Variants in OR6C74 observed in about 807,000 individuals in gnomAD.
The protein encoded by OR6C74 is olfactory receptor 6C74.
For missense variants in OR6C74, 361 were observed against 362.9 expected (o/e 0.99, Z 0.04); for synonymous variants, 142 against 134.2 (o/e 1.06, Z -0.40).
chr12:55,246,739 T>C (rs1460339657), intron 1 of OR6C74, among the ~76,000 whole-genome samples: 1 of 152,048 alleles, frequency 6.6e-6, no homozygotes, highest in African/African-American at 2.4e-5. Flanking sequence ...CTTGGAGAGT[T>C]TTTAGAAGTT....
In OR6C74 at chr12:55,255,616, A is replaced by C. The variant is rs1435642110; in HGVS notation, c.*7390A>C. The stretch of plus-strand genomic sequence containing the variant: ...CACCATGGAACACTATAAAATATAC[A>C]TCCATAAAAAACGATGAGTTCATAT... On this transcript the variant is annotated 3_prime_UTR_variant, in exon 2 of 2. Transcript: ENST00000343399. 6.6e-6 allele frequency among the ~76,000 whole-genome samples: 1 copy of C among 152,176 alleles called. No homozygotes were observed.
chr12:55,247,377 T>C lies in OR6C74; in HGVS notation c.90T>C (p.Phe30=), dbSNP rs778483202. The change falls in exon 2 of 2, where the codon TTT becomes TTC. Residue 30 remains phenylalanine, a synonymous_variant. Coordinates refer to ENST00000343399, the MANE Select transcript of OR6C74 (RefSeq NM_001005490.2). Reference sequence around the variant, plus strand: ...AGGTGATTATTTTTCTTCTCCTTTTTTTCACCTACATGTTGAGCATCACTG... The same window carrying C: ...AGGTGATTATTTTTCTTCTCCTTTTCTTCACCTACATGTTGAGCATCACTG... ...QLQVIIFLLL[F]FTYMLSITGN... 102 of 1,612,464 alleles carry C rather than the reference T, an allele frequency of 6.3e-5. No homozygotes were observed. The East Asian group carries it at 2.2e-3, about 35-fold the overall frequency.
rs1435371750 is a variant in OR6C74 at position 55,249,441 on chromosome 12, TTA to T, written c.*1220_*1221del. Among the ~76,000 whole-genome samples, 1 of 152,074 alleles carries T rather than the reference TTA, an allele frequency of 6.6e-6. No individual in the cohort carries two copies. The highest frequency in any genetic ancestry group is 2.4e-5 in the African/African-American group (1 of 41,424). On this transcript the variant is annotated 3_prime_UTR_variant, in exon 2 of 2. Coordinates refer to ENST00000343399, the MANE Select transcript of OR6C74 (RefSeq NM_001005490.2). ...TTTATTTTTCTGACTTATAAAATTA[TTA>T]TATACATTTTATCTTAATGTATTTC...
Position 55,255,262 on chromosome 12 carries a change from G to A in OR6C74, c.*7036G>A, listed in dbSNP as rs1490842007. Among the ~76,000 whole-genome samples the A allele has an allele frequency of 6.6e-6, 1 of 152,066 alleles. No individual in the cohort carries two copies. The highest frequency in any genetic ancestry group is 1.5e-5 in the Non-Finnish European group (1 of 67,988). On this transcript the variant is annotated 3_prime_UTR_variant, in exon 2 of 2. Transcript: ENST00000343399. ...AGCCCCCTCTGCATTGCACCCCCTG[G>A]GGACTGGGAGGCAAAGGGAACGAGG...
intron 1 of OR6C74, among the ~76,000 whole-genome samples, chr12:55,246,808 T>G (rs748501248): frequency 2.0e-5 from 3 of 152,112 alleles, no homozygotes; most frequent in Non-Finnish European, 4.4e-5. Context: ...CAACTTTGCT[T>G]TGATCTTAAA....
chr12:55,249,000 AC>A lies in OR6C74; in HGVS notation c.*777del, dbSNP rs1954294960. Among the ~76,000 whole-genome samples the A allele has an allele frequency of 6.6e-6, 1 of 152,340 alleles. No homozygotes were observed. The highest frequency in any genetic ancestry group is 1.5e-5 in the Non-Finnish European group (1 of 68,018). ...TTTGTTGATGACAACAAAAATAAAT[AC>A]CCAAGGATGACAAAAATGATGCCTT... On this transcript the variant is annotated 3_prime_UTR_variant, in exon 2 of 2. Coordinates refer to ENST00000343399, the MANE Select transcript of OR6C74 (RefSeq NM_001005490.2).
At position 55,248,148 on chromosome 12, in the gene OR6C74, T is replaced by C; in HGVS notation, c.861T>C (p.Ile287=). The C allele has an allele frequency of 6.2e-7, 1 of 1,613,850 alleles. No individual in the cohort carries two copies. The highest frequency in any genetic ancestry group is 8.5e-7 in the Non-Finnish European group (1 of 1,179,836). Residue 287 remains isoleucine (I), a synonymous_variant, in exon 2 of 2, where the codon ATT becomes ATC. Transcript: ENST00000343399. ...TSVAPMLNPF[I]YTLRNKQVKD... ...TTGCCCCCATGTTGAATCCCTTTAT[T>C]TATACACTGAGAAACAAACAAGTAA...
chr12:55,247,621 C>T lies in OR6C74; in HGVS notation c.334C>T (p.Leu112Phe), dbSNP rs755511988. The T allele has an allele frequency of 1.9e-6, 3 of 1,613,590 alleles. No individual in the cohort carries two copies. The African/African-American group carries it at 4.0e-5, about 22-fold the overall frequency. ...TCTCTTGGGGGCAACTGAATTTTTT[C>T]TTCTGGCTGCCATGTCCTATGAGCG... ...TILLGATEFF[L>F]LAAMSYERYV... is the part of the protein sequence containing the mutation. Residue 112 changes from leucine (L) to phenylalanine (F), a missense_variant, in exon 2 of 2, where the codon CTT becomes TTT. Physicochemically the swap from Leu to Phe is conservative, Grantham distance 22 (BLOSUM62 0). Transcript: ENST00000343399.
Position 55,251,037 on chromosome 12 carries a change from G to A in OR6C74, c.*2811G>A, listed in dbSNP as rs1434831567. Among the ~76,000 whole-genome samples, 1 of 152,000 alleles carries A rather than the reference G, an allele frequency of 6.6e-6. No homozygotes were observed. Among genetic ancestry groups the A allele is most frequent in the Non-Finnish European group, 1.5e-5 (1 of 67,988 alleles). On this transcript the variant is annotated 3_prime_UTR_variant, in exon 2 of 2. Transcript: ENST00000343399. Reference sequence around the variant, plus strand: ...CCACTCTACTAATACATTATTGATGGTTCTCCGTTGCCTGCAAAATAATGA... The same window carrying A: ...CCACTCTACTAATACATTATTGATGATTCTCCGTTGCCTGCAAAATAATGA...
chr12:55,248,358 C>T lies in OR6C74; in HGVS notation c.*132C>T. On this transcript the variant is annotated 3_prime_UTR_variant, in exon 2 of 2. Coordinates refer to ENST00000343399, the MANE Select transcript of OR6C74 (RefSeq NM_001005490.2). ...ACTTATAATTTTCATTATGGCCTTC[C>T]TAATCTCCAAAGCCTAACCTTCACT... 1.6e-6 allele frequency: 1 copy of T among 612,108 alleles called. No individual in the cohort carries two copies. The highest frequency in any genetic ancestry group is 2.8e-6 in the Non-Finnish European group (1 of 355,074). The allele number at this position is 612,108 out of a possible 1,614,324, so 37.9% of individuals were successfully genotyped here.
In OR6C74 at chr12:55,255,290, A is replaced by T. The variant is rs1954336281; in HGVS notation, c.*7064A>T. Among the ~76,000 whole-genome samples, 1 of 152,120 alleles carries T rather than the reference A, an allele frequency of 6.6e-6. No individual in the cohort carries two copies. The highest frequency in any genetic ancestry group is 1.9e-4 in the East Asian group (1 of 5,170). On this transcript the variant is annotated 3_prime_UTR_variant, in exon 2 of 2. Transcript: ENST00000343399. Reference sequence around the variant, plus strand: ...ACTGGGAGGCAAAGGGAACGAGGAAACAACAGATGTTGGTGAGGATGTGGA... The same window carrying T: ...ACTGGGAGGCAAAGGGAACGAGGAATCAACAGATGTTGGTGAGGATGTGGA...
chr12:55,249,447 A>T lies in OR6C74; in HGVS notation c.*1221A>T, dbSNP rs1401140932. ...TTTCTGACTTATAAAATTATTATAT[A>T]CATTTTATCTTAATGTATTTCCAAG... On this transcript the variant is annotated 3_prime_UTR_variant, in exon 2 of 2. Transcript: ENST00000343399. 6.6e-6 allele frequency among the ~76,000 whole-genome samples: 1 copy of T among 152,200 alleles called. No homozygotes were observed. Among genetic ancestry groups the T allele is most frequent in the East Asian group, 1.9e-4 (1 of 5,178 alleles).
Position 55,248,187 on chromosome 12 carries a change from G to A in OR6C74, c.900G>A (p.Lys300=). Residue 300 remains lysine, a synonymous_variant, in exon 2 of 2, where the codon AAG becomes AAA. Coordinates refer to ENST00000343399, the MANE Select transcript of OR6C74 (RefSeq NM_001005490.2). ...LRNKQVKDVF[K]HTVKKIELFS... is the part of the protein sequence containing the mutation. ...ACAAACAAGTAAAAGATGTTTTTAA[G>A]CACACAGTCAAAAAGATTGAACTTT... The A allele has an allele frequency of 6.2e-7, 1 of 1,612,088 alleles. No homozygotes were observed.
At position 55,248,288 on chromosome 12, in the gene OR6C74, CAA is replaced by C; in HGVS notation, c.*64_*65del. 1 of 999,284 alleles carries C rather than the reference CAA, an allele frequency of 1.0e-6. No individual in the cohort carries two copies. The highest frequency in any genetic ancestry group is 1.5e-6 in the Non-Finnish European group (1 of 684,112). 61.9% of individuals were successfully genotyped at this position (999,284 alleles called of 1,614,324 possible). On this transcript the variant is annotated 3_prime_UTR_variant, in exon 2 of 2. Transcript: ENST00000343399. ...TAAAACAAGAAGAGTGGAGTATGTG[CAA>C]AGTTTTTCAATGTTTGTATTCAATA...
Position 55,248,266 on chromosome 12 carries a change from A to T in OR6C74, c.*40A>T. On this transcript the variant is annotated 3_prime_UTR_variant, in exon 2 of 2. Coordinates refer to ENST00000343399, the MANE Select transcript of OR6C74 (RefSeq NM_001005490.2). ...ATTATTAAGGTTATTAGTAAAATAA[A>T]ACAAGAAGAGTGGAGTATGTGCAAA... The T allele has an allele frequency of 2.2e-6, 3 of 1,340,850 alleles. No homozygotes were observed. Among genetic ancestry groups the T allele is most frequent in the Admixed American group, 2.1e-5 (1 of 47,186 alleles). 83.1% of individuals were successfully genotyped at this position (1,340,850 alleles called of 1,614,324 possible).
At position 55,251,425 on chromosome 12, in the gene OR6C74, C is replaced by A. The variant is rs1217325509; in HGVS notation, c.*3199C>A. Among the ~76,000 whole-genome samples the A allele has an allele frequency of 1.3e-5, 2 of 151,932 alleles. No individual in the cohort carries two copies. The highest frequency in any genetic ancestry group is 2.9e-5 in the Non-Finnish European group (2 of 67,944). On this transcript the variant is annotated 3_prime_UTR_variant, in exon 2 of 2. Transcript: ENST00000343399. ...TCTAAATCTCATAGTTTTCTACATT[C>A]TCTTCATCCAAGCCGGTGCCTAGTA... is the stretch of plus-strand genomic sequence containing the variant.
intron 1 of OR6C74, among the ~76,000 whole-genome samples, chr12:55,245,717 G>C (rs1416451283): frequency 1.3e-5 from 2 of 152,082 alleles, no homozygotes; most frequent in African/African-American, 4.8e-5. Flanking sequence ...AGGCTGGACA[G>C]TGTCCATATA....
At position 55,250,402 on chromosome 12, in the gene OR6C74, A is replaced by G. The variant is rs1954304659; in HGVS notation, c.*2176A>G. On this transcript the variant is annotated 3_prime_UTR_variant, in exon 2 of 2. Coordinates refer to ENST00000343399, the MANE Select transcript of OR6C74 (RefSeq NM_001005490.2). ...ATTGACAATTTTGTGAAATTCAGAA[A>G]TATACTTAGTAGACTTAACTACTTA... 6.6e-6 allele frequency among the ~76,000 whole-genome samples: 1 copy of G among 152,124 alleles called. No homozygotes were observed. Among genetic ancestry groups the G allele is most frequent in the South Asian group, 2.1e-4 (1 of 4,832 alleles).
Position 55,251,315 on chromosome 12 carries a change from T to C in OR6C74, c.*3089T>C, listed in dbSNP as rs1954309844. Among the ~76,000 whole-genome samples the C allele has an allele frequency of 6.6e-6, 1 of 152,074 alleles. No homozygotes were observed. The highest frequency in any genetic ancestry group is 2.4e-5 in the African/African-American group (1 of 41,442). On this transcript the variant is annotated 3_prime_UTR_variant, in exon 2 of 2. Transcript: ENST00000343399. The stretch of plus-strand genomic sequence containing the variant: ...CAAGTATATGTTAGTCACTTCATAC[T>C]CAAATTTTGTAGTGTTTGTAGTCAA...
Sources: allele counts gnomAD v4.1 joint callset (sites outside exome capture counted in the v4.1 genomes callset), GRCh38; gene constraint gnomAD v4.1.1; transcripts MANE v1.5; gene names NCBI Gene and HGNC (gene_info 2026-07-23, HGNC 2026-07-21).